TM6SF2: variants seen among roughly 807,000 people sequenced by gnomAD.
The protein encoded by TM6SF2 is transmembrane 6 superfamily member 2.
A neutral mutation model predicts 41.0 loss-of-function variants in TM6SF2; 29 were observed. The ratio of observed to expected loss-of-function variants is 0.71; its 90% confidence interval spans 0.53 to 0.96. The LOEUF is 0.96. Ranked by LOEUF, TM6SF2 falls within the 50% of genes least tolerant of loss-of-function variation. The pLI, the probability that TM6SF2 is intolerant of heterozygous loss-of-function variation, is 0.00. For missense variants in TM6SF2, 475 were observed against 499.0 expected (o/e 0.95, Z 0.46); for synonymous variants, 200 against 209.1 (o/e 0.96, Z 0.37).
intron 6 of TM6SF2, 68 bp from the exon 7 acceptor site, chr19:19,268,155 T>C: frequency 9.4e-7 from 1 of 1,066,718 alleles, no homozygotes; most frequent in Non-Finnish European, 1.4e-6. Flanking sequence ...AGGTACTCAA[T>C]AAAGGTTCCT....
chr19:19,273,211 T>C lies in TM6SF2; in HGVS notation c.5A>G (p.Asp2Gly), dbSNP rs1460805562. The part of the protein sequence containing the change: M[D>G]IPPLAGKIAA... Reference sequence around the variant, plus strand: ...GATCTTGCCGGCCAGCGGCGGGATGTCCATAGCGGCGGCTGCTGGACCCCG... The same window carrying C: ...GATCTTGCCGGCCAGCGGCGGGATGCCCATAGCGGCGGCTGCTGGACCCCG... Residue 2 changes from aspartate to glycine, a missense_variant, in exon 1 of 10, where the codon GAC (aspartate) becomes GGC (glycine). Asp to Gly is a moderately conservative substitution (Grantham distance 94). This residue lies in a region of TM6SF2 where 238 missense variants were observed against 228.6 expected (regional missense o/e 1.04). Transcript: ENST00000389363. 1.1e-5 allele frequency: 16 copies of C among 1,422,414 alleles called. No individual in the cohort carries two copies. Among genetic ancestry groups the C allele is most frequent in the Non-Finnish European group, 1.4e-5 (15 of 1,089,162 alleles). The allele number at this position is 1,422,414 out of a possible 1,614,324, so 88.1% of individuals were successfully genotyped here. A position where few individuals can be genotyped will look rare whatever the true frequency, so the allele number is the denominator to read the frequency against.
At chr19:19,268,885 T>G in intron 5 of TM6SF2, 131 bp from the exon 6 acceptor site, 1 of 1,074,402 alleles carries the variant, frequency 9.3e-7, no homozygotes. Context: ...CTTGGCTCAC[T>G]GCAACCTCTG....
Position 19,273,183 on chromosome 19 carries a change from C to A in TM6SF2, c.33G>T (p.Ala11=). The A allele has an allele frequency of 6.8e-7, 1 of 1,464,450 alleles. No homozygotes were observed. Among genetic ancestry groups the A allele is most frequent in the Non-Finnish European group, 9.0e-7 (1 of 1,112,546 alleles). The allele number at this position is 1,464,450 out of a possible 1,614,324, so 90.7% of individuals were successfully genotyped here. A position where few individuals can be genotyped will look rare whatever the true frequency, so the allele number is the denominator to read the frequency against. Residue 11 remains alanine, a synonymous_variant, in exon 1 of 10, where the codon GCG becomes GCT. Transcript: ENST00000389363. MDIPPLAGKI[A]ALSLSALPVS... ...CCGGGAGGGCGCTCAGCGACAGCGCCGCGATCTTGCCGGCCAGCGGCGGGA... is the reference window on the plus strand; with the variant it reads ...CCGGGAGGGCGCTCAGCGACAGCGCAGCGATCTTGCCGGCCAGCGGCGGGA...
chr19:19,270,962 T>C, intron 2 of TM6SF2, 60 bp downstream of exon 2: 1 of 1,431,350 alleles, frequency 7.0e-7, no homozygotes, highest in Non-Finnish European at 9.9e-7. Flanking sequence ...GGCCCCCAAG[T>C]CTGAGGGTGG....
chr19:19,268,209 T>TA, intron 6 of TM6SF2, 122 bp from the exon 7 acceptor site: 1 of 154,826 alleles, frequency 6.5e-6, no homozygotes, highest in Non-Finnish European at 1.3e-5. Flanking sequence ...TTCTTTTTTC[T>TA]TTTTTTTTTT....
At chr19:19,270,921 GC>G (rs1253242497) in intron 2 of TM6SF2, 100 bp downstream of exon 2, 2 of 952,208 alleles carry the variant, frequency 2.1e-6, no homozygotes, top group Admixed American at 1.8e-5. Context: ...CTCTTAAAGG[GC>G]CCCCAGTCTG....
At position 19,266,477 on chromosome 19, in the gene TM6SF2, T is replaced by A; in HGVS notation, c.924+13A>T. On this transcript the variant is annotated intron_variant, in intron 9 of 9. Transcript: ENST00000389363. The stretch of plus-strand genomic sequence containing the variant: ...TCCCACATGCCTGCTCACCCACCCA[T>A]CCGCCACCTCACCTGGCCGATGCCT... The A allele has an allele frequency of 6.2e-7, 1 of 1,613,272 alleles. No homozygotes were observed. Among genetic ancestry groups the A allele is most frequent in the Non-Finnish European group, 8.5e-7 (1 of 1,179,614 alleles).
At chr19:19,273,060 CT>C in intron 1 of TM6SF2, 60 bp downstream of exon 1, 3 of 472,842 alleles carry the variant, frequency 6.3e-6, no homozygotes, top group Non-Finnish European at 7.6e-6. Flanking sequence ...ACCTCCAGTC[CT>C]CCCCGCCCCC....
In TM6SF2 at chr19:19,268,000, G is replaced by T; in HGVS notation, c.697C>A (p.Leu233Met). Residue 233 changes from leucine to methionine, a missense_variant, in exon 7 of 10, where the codon CTG becomes ATG. This residue lies in a region of TM6SF2 where 190 missense variants were observed against 190.2 expected (regional missense o/e 1.00). Transcript: ENST00000389363. ...IYLILAGFFT[L>M]FRGLVVLDCP... ...CGCAGACTCACCAGGCCCCGGAACA[G>T]AGTGAAGAAGCCAGCAAGGATGAGA... 6.2e-7 allele frequency: 1 copy of T among 1,613,578 alleles called. No homozygotes were observed. The highest frequency in any genetic ancestry group is 8.5e-7 in the Non-Finnish European group (1 of 1,179,620).
chr19:19,266,365 G>T, intron 9 of TM6SF2, 125 bp downstream of exon 9: 8 of 1,363,434 alleles, frequency 5.9e-6, no homozygotes, highest in Non-Finnish European at 8.1e-6. Context: ...CTGGGATATT[G>T]GGCCTGGGGC....
Position 19,270,156 on chromosome 19 carries a change from C to G in TM6SF2, c.401+17G>C. On this transcript the variant is annotated intron_variant, in intron 4 of 9. Coordinates refer to ENST00000389363, the MANE Select transcript of TM6SF2 (RefSeq NM_001001524.3). ...CTCTCCCAGGGTCAGGGGCCACCCT[C>G]TCCCTGCCTCCTGCACCTTCTGCAG... 2 of 1,613,610 alleles carry G rather than the reference C, an allele frequency of 1.2e-6. No individual in the cohort carries two copies. Among genetic ancestry groups the G allele is most frequent in the Non-Finnish European group, 1.7e-6 (2 of 1,179,916 alleles).
intron 8 of TM6SF2, 113 bp downstream of exon 8, chr19:19,267,508 A>C (rs2061007427): frequency 1.3e-6 from 1 of 746,352 alleles, no homozygotes; most frequent in Non-Finnish European, 2.1e-6. Flanking sequence ...AGGACAGTAA[A>C]TTCCATATGG....
At chr19:19,270,297 C>G in intron 3 of TM6SF2, 21 bp from the exon 4 acceptor site, 2 of 1,614,206 alleles carry the variant, frequency 1.2e-6, no homozygotes, top group Non-Finnish European at 1.7e-6. Context: ...AGGTGGGAGA[C>G]TCAGACGGGC....
At chr19:19,269,914 C>T (rs540371480) in intron 4 of TM6SF2, 145 bp from the exon 5 acceptor site, 33 of 1,527,428 alleles carry the variant, frequency 2.2e-5, no homozygotes, top group South Asian at 7.6e-5. Flanking sequence ...GGGAGTTGAA[C>T]GGGGAAATAA....
chr19:19,273,233 C>T lies in TM6SF2; in HGVS notation c.-18G>A, dbSNP rs764738579. The T allele has an allele frequency of 3.2e-4, 439 of 1,382,996 alleles. No individual in the cohort carries two copies. Among genetic ancestry groups the T allele is most frequent in the Non-Finnish European group, 3.8e-4 (409 of 1,069,466 alleles). The allele number at this position is 1,382,996 out of a possible 1,614,324, so 85.7% of individuals were successfully genotyped here. On this transcript the variant is annotated 5_prime_UTR_variant, in exon 1 of 10. Coordinates refer to ENST00000389363, the MANE Select transcript of TM6SF2 (RefSeq NM_001001524.3). ...ATGTCCATAGCGGCGGCTGCTGGAC[C>T]CCGGCTCAGCCCCGACGCGTTCTCC...
intron 1 of TM6SF2, 60 bp downstream of exon 1, chr19:19,273,061 T>TTCCCCCC: frequency 1.6e-5 from 5 of 305,460 alleles, no homozygotes; most frequent in Non-Finnish European, 1.8e-5. Flanking sequence ...CCTCCAGTCC[T>TTCCCCCC]CCCCGCCCCC....
chr19:19,268,829 GAC>G (rs1176637215), intron 5 of TM6SF2, 75 bp from the exon 6 acceptor site: 1 of 1,488,566 alleles, frequency 6.7e-7, no homozygotes, highest in Non-Finnish European at 8.9e-7. Flanking sequence ...TTTGTTCTGA[GAC>G]AGAGTCTTGC....
intron 5 of TM6SF2, 145 bp from the exon 6 acceptor site, chr19:19,268,899 C>T (rs1421304911): frequency 2.0e-6 from 2 of 978,380 alleles, no homozygotes; most frequent in African/African-American, 1.8e-5. Flanking sequence ...ACCTCTGCCT[C>T]CCAGGTTCAA....
In TM6SF2 at chr19:19,270,240, T is replaced by C; in HGVS notation, c.334A>G (p.Ile112Val). Residue 112 changes from isoleucine to valine, a missense_variant, in exon 4 of 10, where the codon ATC becomes GTC. Around this residue, in one of 3 missense-constraint regions of TM6SF2, gnomAD observed 238 missense variants for 228.6 expected, o/e 1.04. Transcript: ENST00000389363. ...PYLRTAHGVF[I>V]CYWDGTVHYL... is the part of the protein sequence containing the mutation. Reference sequence around the variant, plus strand: ...TGAACAGTGCCATCCCAGTAGCAGATGAAGACTCCGTGCGCTGTGCGCAGG... The same window carrying C: ...TGAACAGTGCCATCCCAGTAGCAGACGAAGACTCCGTGCGCTGTGCGCAGG... The C allele has an allele frequency of 1.2e-6, 2 of 1,614,200 alleles. No homozygotes were observed. Among genetic ancestry groups the C allele is most frequent in the East Asian group, 4.5e-5 (2 of 44,884 alleles).
Sources: allele counts gnomAD v4.1 joint callset, GRCh38; gene constraint gnomAD v4.1.1; regional missense constraint gnomAD v4.1.1; transcripts MANE v1.5; gene names NCBI Gene and HGNC (gene_info 2026-07-23, HGNC 2026-07-21).